Variants in ITGA2B observed in about 807,000 individuals in gnomAD.
ITGA2B encodes the protein integrin subunit alpha 2b.
Under a neutral mutation model 142.0 loss-of-function variants are expected in ITGA2B, and 91 were observed. The ratio of observed to expected loss-of-function variants is 0.64; its 90% CI spans 0.54 to 0.76. The LOEUF (loss-of-function observed/expected upper bound fraction) is 0.76. Ranked by LOEUF, ITGA2B falls within the 30% of genes least tolerant of loss-of-function variation. The pLI is 0.00. For missense variants in ITGA2B, 1,231 were observed against 1,350.8 expected (o/e 0.91, Z 1.39); for synonymous variants, 536 against 567.2 (o/e 0.94, Z 0.78).
chr17:44,381,127 T>C lies in ITGA2B; in HGVS notation c.1211-66A>G, dbSNP rs999500211. 5 of 1,486,140 alleles carry C rather than the reference T, an allele frequency of 3.4e-6. No individual in the cohort carries two copies. In the East Asian group the frequency reaches 1.2e-4, roughly 35 times the overall value. 92.1% of individuals were successfully genotyped at this position (1,486,140 alleles called of 1,614,324 possible). A position where few individuals can be genotyped will look rare whatever the true frequency, so the allele number is the denominator to read the frequency against. ...AGCCTCCCTAGATGACTGTAAAACT[T>C]TCCTGAGCTTCTCTGGGAACATCCC... On this transcript the variant is annotated intron_variant, in intron 12 of 29. Coordinates refer to ENST00000262407, the MANE Select transcript of ITGA2B (RefSeq NM_000419.5).
chr17:44,377,543 A>C (rs2048555850), intron 21 of ITGA2B, among the ~76,000 whole-genome samples, 155 bp downstream of exon 21: 2 of 152,180 alleles, frequency 1.3e-5, no homozygotes, highest in Admixed American at 1.3e-4. Context: ...AAAGGGGCTC[A>C]GAGAGGGAAA....
intron 29 of ITGA2B, among the ~76,000 whole-genome samples, chr17:44,373,190 T>C (rs2048511564): frequency 1.3e-5 from 2 of 151,918 alleles, no homozygotes; most frequent in Non-Finnish European, 1.5e-5. Flanking sequence ...CAGGCTGGAG[T>C]GCAGTGGCAC....
rs150804834 is a variant in ITGA2B, at chr17:44,374,695, C to T, written c.2907G>A (p.Ala969=). 1.2e-6 allele frequency: 2 copies of T among 1,614,042 alleles called. No homozygotes were observed. The highest frequency in any genetic ancestry group is 1.1e-5 in the South Asian group (1 of 91,076). Residue 969 remains alanine (A), a synonymous_variant, in exon 28 of 30, where the codon GCG becomes GCA. Coordinates refer to ENST00000262407, the MANE Select transcript of ITGA2B (RefSeq NM_000419.5). Reference sequence around the variant, plus strand: ...CTCGGGGCAGGCTGAGCGGGGGCACCGCATAGGGGAGGGAGGACACGTTGA... The same window carrying T: ...CTCGGGGCAGGCTGAGCGGGGGCACTGCATAGGGGAGGGAGGACACGTTGA... ...AWFNVSSLPY[A]VPPLSLPRGE...
Position 44,385,722 on chromosome 17 carries a change from G to C in ITGA2B, c.409-6C>G. On this transcript the variant is annotated splice_region_variant and splice_polypyrimidine_tract_variant and intron_variant, in intron 3 of 29. Transcript: ENST00000262407. ...TGCTGCCAGGGGGCGCAGGCCTGGA[G>C]AAAGGCCACAGGAGTGGGGACGGGC... The C allele has an allele frequency of 6.2e-7, 1 of 1,613,614 alleles. No homozygotes were observed. The highest frequency in any genetic ancestry group is 8.5e-7 in the Non-Finnish European group (1 of 1,179,992).
rs368536313 is a variant in ITGA2B at position 44,374,451 on chromosome 17, C to G, written c.2963G>C (p.Arg988Pro). ...TGGAATGGCCCTCTCCTCCAAGGCCCGGAGCAGCTGTGTCCACACCTGGGG... is the reference window on the plus strand; with the variant it reads ...TGGAATGGCCCTCTCCTCCAAGGCCGGGAGCAGCTGTGTCCACACCTGGGG... ...GEAQVWTQLL[R>P]ALEERAIPIW... Residue 988 changes from arginine to proline, a missense_variant, in exon 29 of 30, where the codon CGG becomes CCG. Arg to Pro is a moderately radical substitution (Grantham distance 103). Around this residue, in one of 3 missense-constraint regions of ITGA2B, gnomAD observed 908 missense variants for 1,021.1 expected, o/e 0.89. Transcript: ENST00000262407. The G allele has an allele frequency of 5.0e-6, 8 of 1,613,976 alleles. No homozygotes were observed. In the African/African-American group the frequency reaches 9.3e-5, roughly 19 times the overall value.
rs1400474936 is a variant in ITGA2B, at chr17:44,383,549, C to T, written c.1154G>A (p.Gly385Glu). The part of the protein sequence containing the change: ...SLLLTGTQLY[G>E]RFGSAIAPLG... ...GGGTGCGATGGCAGAGCCGAATCGC[C>T]CATAGAGCTGTGTGCCAGTCAGCAG... The change falls in exon 12 of 30, where the codon GGG becomes GAG. Residue 385 changes from glycine (G) to glutamate (E), a missense_variant. Gly to Glu is a moderately conservative substitution (Grantham distance 98). Transcript: ENST00000262407. 6.2e-7 allele frequency: 1 copy of T among 1,612,034 alleles called. No homozygotes were observed. Among genetic ancestry groups the T allele is most frequent in the South Asian group, 1.1e-5 (1 of 90,836 alleles).
chr17:44,375,066 C>G lies in ITGA2B; in HGVS notation c.2773G>C (p.Glu925Gln). The change falls in exon 27 of 30, where the codon GAG becomes CAG. Residue 925 changes from glutamate to glutamine, a missense_variant. By Grantham distance (29) the Glu-to-Gln change is conservative (BLOSUM62 2). Transcript: ENST00000262407. ...PCTVVQCDLQ[E>Q]MARGQRAMVT... Reference sequence around the variant, plus strand: ...ATGGCCCGCTGCCCGCGCGCCATCTCCTGCAGGTCACACTGCACCACAGTA... The same window carrying G: ...ATGGCCCGCTGCCCGCGCGCCATCTGCTGCAGGTCACACTGCACCACAGTA... The G allele has an allele frequency of 6.5e-7, 1 of 1,548,580 alleles. No homozygotes were observed. The highest frequency in any genetic ancestry group is 8.7e-7 in the Non-Finnish European group (1 of 1,146,978).
intron 27 of ITGA2B, 99 bp downstream of exon 27, chr17:44,374,899 C>A: frequency 7.8e-7 from 1 of 1,276,994 alleles, no homozygotes; most frequent in Non-Finnish European, 1.1e-6. Context: ...ACCTTGCCTT[C>A]CCTCTCTTCC....
rs2048519000 is a variant in ITGA2B, at chr17:44,374,175, G to T, written c.3060+179C>A. ...AACGCTTTGGCCTCCCAAAGTGCTGGGATTACAGGTGTGAGCCACCCCACT... is the reference window on the plus strand; with the variant it reads ...AACGCTTTGGCCTCCCAAAGTGCTGTGATTACAGGTGTGAGCCACCCCACT... On this transcript the variant is annotated intron_variant, in intron 29 of 29. Transcript: ENST00000262407. The T allele has an allele frequency of 5.9e-6, 4 of 680,606 alleles. No homozygotes were observed. The Admixed American group carries it at 8.1e-5, about 14-fold the overall frequency. 42.2% of individuals were successfully genotyped at this position (680,606 alleles called of 1,614,324 possible).
intron 4 of ITGA2B, 68 bp downstream of exon 4, chr17:44,385,483 G>T (rs913472780): frequency 1.3e-6 from 2 of 1,526,436 alleles, no homozygotes; most frequent in African/African-American, 1.4e-5. Context: ...GGCGCTGGGG[G>T]CGGGATCCGA....
At chr17:44,379,132 A>C (rs896196897) in intron 18 of ITGA2B, among the ~76,000 whole-genome samples, 3 of 117,498 alleles carry the variant, frequency 2.6e-5, no homozygotes, top group Non-Finnish European at 3.6e-5. Flanking sequence ...TTTTTTTTGT[A>C]TTTTTAGTAG....
Position 44,386,112 on chromosome 17 carries a change from C to T in ITGA2B, c.208G>A (p.Ala70Thr). Residue 70 changes from alanine to threonine, a missense_variant, in exon 2 of 30, where the codon GCC becomes ACC. Ala to Thr is a moderately conservative substitution (Grantham distance 58, BLOSUM62 0). Transcript: ENST00000262407. ...TGGCTGGGGCCCAGGGTCCGCGGGG[C>T]GCCCACCACGATGGCCACTCTGCAT... ...SHGRVAIVVG[A>T]PRTLGPSQEE... 1 of 1,601,918 alleles carries T rather than the reference C, an allele frequency of 6.2e-7. No homozygotes were observed. The highest frequency in any genetic ancestry group is 8.5e-7 in the Non-Finnish European group (1 of 1,176,592).
At chr17:44,379,615 C>T (rs1051406620) in intron 18 of ITGA2B, 74 bp downstream of exon 18, 1 of 1,609,950 alleles carries the variant, frequency 6.2e-7, no homozygotes, top group Non-Finnish European at 8.5e-7. Context: ...CACATTGTGA[C>T]TTGGCACTAA....
rs1243363297 is a variant in ITGA2B, at chr17:44,380,649, T to C, written c.1394-4A>G. 5 of 1,614,070 alleles carry C rather than the reference T, an allele frequency of 3.1e-6. No individual in the cohort carries two copies. Among genetic ancestry groups the C allele is most frequent in the Non-Finnish European group, 4.2e-6 (5 of 1,180,030 alleles). Reference sequence around the variant, plus strand: ...CCGTAAGCTCCCACGATCAGGTCTATAGACATCGAGGAATGGGTCAGAATT... The same window carrying C: ...CCGTAAGCTCCCACGATCAGGTCTACAGACATCGAGGAATGGGTCAGAATT... On this transcript the variant is annotated splice_region_variant and splice_polypyrimidine_tract_variant and intron_variant, in intron 13 of 29. Transcript: ENST00000262407.
rs1030163065 is a variant in ITGA2B at position 44,384,444 on chromosome 17, T to C, written c.848-90A>G. On this transcript the variant is annotated intron_variant, in intron 8 of 29. Coordinates refer to ENST00000262407, the MANE Select transcript of ITGA2B (RefSeq NM_000419.5). ...CGTTCTGCACCCAGGGAAAAATGTGTGTGCAGGAAGATTTCCCTACATAGG... is the reference window on the plus strand; with the variant it reads ...CGTTCTGCACCCAGGGAAAAATGTGCGTGCAGGAAGATTTCCCTACATAGG... 3 of 1,606,724 alleles carry C rather than the reference T, an allele frequency of 1.9e-6. No homozygotes were observed. In the African/African-American group the frequency reaches 4.0e-5, roughly 21 times the overall value.
At chr17:44,382,767 C>T (rs1472447912) in intron 12 of ITGA2B, among the ~76,000 whole-genome samples, 1 of 152,152 alleles carries the variant, frequency 6.6e-6, no homozygotes, top group Non-Finnish European at 1.5e-5. Flanking sequence ...CCCACTTCCT[C>T]CTGTGCATGC....
At chr17:44,385,426 G>C in intron 4 of ITGA2B, 91 bp from the exon 5 acceptor site, 1 of 1,536,066 alleles carries the variant, frequency 6.5e-7, no homozygotes, top group Non-Finnish European at 8.7e-7. Context: ...GCGGGGCCTT[G>C]AGTCGGCGGG....
chr17:44,385,744 G>T (rs1261243459), intron 3 of ITGA2B, 28 bp from the exon 4 acceptor site: 1 of 1,613,380 alleles, frequency 6.2e-7, no homozygotes, highest in Non-Finnish European at 8.5e-7. Flanking sequence ...GAGTGGGGAC[G>T]GGCGCGAGAC....
chr17:44,387,236 G>C lies in ITGA2B; in HGVS notation c.189-1105C>G, dbSNP rs117332412. Among the ~76,000 whole-genome samples the C allele has an allele frequency of 6.9e-3, 1,053 of 152,188 alleles. 7 individuals carry two copies. The highest frequency in any genetic ancestry group is 0.011 in the Non-Finnish European group (750 of 68,014). ...CTAGAATGACCCTTCAAAATTGTCA[G>C]AGTTGGCCGGGTGTGGTGGCTCACG... On this transcript the variant is annotated intron_variant, in intron 1 of 29. Transcript: ENST00000262407.
Sources: gnomAD v4.1 joint callset for allele counts (sites outside exome capture counted in the v4.1 genomes callset) on GRCh38, gnomAD v4.1.1 for gene constraint, gnomAD v4.1.1 regional missense constraint, MANE v1.5 for transcripts, NCBI Gene and HGNC (gene_info 2026-07-23, HGNC 2026-07-21) for gene names.